Variants in FBF1 observed in about 807,000 individuals in gnomAD.
FBF1 encodes the protein fas-binding factor 1.
Under a neutral mutation model 147.2 loss-of-function variants are expected in FBF1, and 119 were observed. The observed-to-expected ratio is 0.81, with a 90% CI of 0.70 to 0.94. The LOEUF (loss-of-function observed/expected upper bound fraction) is 0.94. FBF1 is among the 40% of genes least tolerant of loss of function. The probability of loss-of-function intolerance (pLI) is 0.00; values close to 1 mark genes in which losing one functional copy is unlikely to be tolerated. For missense variants in FBF1, 1,449 were observed against 1,500.8 expected (o/e 0.97, Z 0.57); for synonymous variants, 601 against 609.0 (o/e 0.99, Z 0.19).
chr17:75,926,717 A>C, intron 10 of FBF1, 41 bp downstream of exon 10: 1 of 1,585,152 alleles, frequency 6.3e-7, no homozygotes, highest in Non-Finnish European at 8.6e-7. Flanking sequence ...TTGCCAATAA[A>C]CTCTTCCTCC....
chr17:75,940,209 A>C (rs2065653574), intron 1 of FBF1, among the ~76,000 whole-genome samples: 1 of 148,518 alleles, frequency 6.7e-6, no homozygotes, highest in Admixed American at 6.7e-5. Flanking sequence ...CCAAAGTGCT[A>C]GGATTACAGG....
At chr17:75,936,805 G>A (rs2065627963) in intron 3 of FBF1, among the ~76,000 whole-genome samples, 1 of 152,182 alleles carries the variant, frequency 6.6e-6, no homozygotes, top group African/African-American at 2.4e-5. Context: ...ACACAGCCCA[G>A]TGCAGCTCGC....
At chr17:75,912,395 C>CACTG in intron 28 of FBF1, 88 bp from the exon 29 acceptor site, 1 of 990,740 alleles carries the variant, frequency 1.0e-6, no homozygotes, top group Non-Finnish European at 1.5e-6. Context: ...CTGCTCCCCC[C>CACTG]GCCAGTGGGT....
At chr17:75,929,872 G>A in intron 7 of FBF1, 125 bp downstream of exon 7, 4 of 864,806 alleles carry the variant, frequency 4.6e-6, no homozygotes, top group Non-Finnish European at 7.4e-6. Flanking sequence ...GCTTGCACGA[G>A]GAAGGGCTCA....
At chr17:75,924,578 A>C (rs2144176022) in intron 13 of FBF1, among the ~76,000 whole-genome samples, 1 of 152,248 alleles carries the variant, frequency 6.6e-6, no homozygotes, top group East Asian at 1.9e-4. Context: ...CTAGGATTCA[A>C]GCTATTCTCC....
chr17:75,937,765 TC>T, intron 2 of FBF1, 172 bp from the exon 3 acceptor site: 1 of 746,530 alleles, frequency 1.3e-6, no homozygotes, highest in Non-Finnish European at 2.3e-6. Flanking sequence ...GAGAACGGAC[TC>T]ATTCAGAGCG....
intron 13 of FBF1, among the ~76,000 whole-genome samples, chr17:75,924,100 G>A (rs1474153112): frequency 2.0e-5 from 3 of 151,972 alleles, no homozygotes; most frequent in South Asian, 2.1e-4. Flanking sequence ...TGTAATCCCA[G>A]CTACTTGGGA....
At chr17:75,914,098 C>T in intron 26 of FBF1, 24 bp downstream of exon 26, 1 of 1,595,526 alleles carries the variant, frequency 6.3e-7, no homozygotes, top group Non-Finnish European at 8.5e-7. Flanking sequence ...CAGATGCGCC[C>T]ACGCCCATGT....
chr17:75,920,215 TCA>T (rs1296589628), intron 18 of FBF1, 57 bp downstream of exon 18: 7 of 1,593,528 alleles, frequency 4.4e-6, no homozygotes, highest in South Asian at 2.2e-5. Context: ...CCAGCCACTC[TCA>T]GTGTCCCCTC....
intron 4 of FBF1, among the ~76,000 whole-genome samples, chr17:75,934,365 A>G (rs2065611101): frequency 2.0e-5 from 3 of 152,188 alleles, no homozygotes; most frequent in African/African-American, 4.8e-5. Context: ...GTTCAAGATC[A>G]GCCTGGCCAA....
chr17:75,923,267 T>C lies in FBF1; in HGVS notation c.1343A>G (p.Gln448Arg), dbSNP rs1413456659. ...LSHALSRKKS[Q>R]GLAREQHAGT... The stretch of plus-strand genomic sequence containing the variant: ...AGCATGCTGCTCTCTGGCCAGGCCT[T>C]GGGACTTCTTCCGAGACAGGGCATG... The change falls in exon 14 of 30, where the codon CAA becomes CGA. Residue 448 changes from glutamine (Q) to arginine (R), a missense_variant. Physicochemically the swap from Gln to Arg is conservative, Grantham distance 43. Coordinates refer to ENST00000636174, the MANE Select transcript of FBF1 (RefSeq NM_001319193.2). The surrounding 1 kb of genome is among the most constrained non-coding windows in gnomAD (Gnocchi z 4.1). The C allele has an allele frequency of 1.9e-6, 3 of 1,590,308 alleles. No homozygotes were observed. Among genetic ancestry groups the C allele is most frequent in the Non-Finnish European group, 2.6e-6 (3 of 1,168,856 alleles).
chr17:75,910,642 A>G lies in FBF1; in HGVS notation c.*81T>C. ...AAGCATCTCAGAATCCTCCCCAGGC[A>G]CTGCCTCCATGGAGGCAGCCGGAGG... On this transcript the variant is annotated 3_prime_UTR_variant, in exon 30 of 30. Coordinates refer to ENST00000636174, the MANE Select transcript of FBF1 (RefSeq NM_001319193.2). This position sits in a 1 kb window ranked among gnomAD's most constrained non-coding sequence, Gnocchi z 4.1. 1.7e-6 allele frequency: 2 copies of G among 1,200,498 alleles called. No homozygotes were observed. The highest frequency in any genetic ancestry group is 2.4e-6 in the Non-Finnish European group (2 of 832,782). The allele number at this position is 1,200,498 out of a possible 1,614,324, so 74.4% of individuals were successfully genotyped here. A position where few individuals can be genotyped will look rare whatever the true frequency, so the allele number is the denominator to read the frequency against.
chr17:75,911,889 T>G (rs2065458615), intron 29 of FBF1, among the ~76,000 whole-genome samples: 1 of 152,198 alleles, frequency 6.6e-6, no homozygotes, highest in Non-Finnish European at 1.5e-5. Context: ...TGGGCTCAAG[T>G]GATCCTCCTG....
intron 7 of FBF1, among the ~76,000 whole-genome samples, chr17:75,929,029 C>T (rs1477825243): frequency 6.7e-6 from 1 of 150,274 alleles, no homozygotes; most frequent in Non-Finnish European, 1.5e-5. Context: ...ACTCTGTCAC[C>T]ACCCAGGCTG....
Position 75,926,891 on chromosome 17 carries a change from G to C in FBF1, c.476-14C>G. The C allele has an allele frequency of 6.2e-7, 1 of 1,604,648 alleles. No homozygotes were observed. The highest frequency in any genetic ancestry group is 8.5e-7 in the Non-Finnish European group (1 of 1,175,336). On this transcript the variant is annotated splice_polypyrimidine_tract_variant and intron_variant, in intron 9 of 29. Coordinates refer to ENST00000636174, the MANE Select transcript of FBF1 (RefSeq NM_001319193.2). ...GGTCTTCCAAGTCTCACAGCAGAAG[G>C]GAAAGCACAGGTCAGACTGCAGCAC...
chr17:75,920,104 G>C lies in FBF1; in HGVS notation c.1834C>G (p.Arg612Gly), dbSNP rs765962914. 5.1e-6 allele frequency: 8 copies of C among 1,583,308 alleles called. No individual in the cohort carries two copies. The South Asian group carries it at 8.0e-5, about 16-fold the overall frequency. ...TGGGCCCGTTCTAGCTCCAGCTTCC[G>C]CACCTGGGAGACAGCAGGAGGGCCA... is the stretch of plus-strand genomic sequence containing the variant. ...ARLAELEAQV[R>G]KLELERAQHE... is the part of the protein sequence containing the mutation. Residue 612 changes from arginine (R) to glycine (G), a missense_variant, in exon 19 of 30, where the codon CGG becomes GGG. Coordinates refer to ENST00000636174, the MANE Select transcript of FBF1 (RefSeq NM_001319193.2).
rs2065476163 is a variant in FBF1 at position 75,914,565 on chromosome 17, A to AT, written c.2814+181dup. On this transcript the variant is annotated intron_variant, in intron 25 of 29. Coordinates refer to ENST00000636174, the MANE Select transcript of FBF1 (RefSeq NM_001319193.2). ...AACATGAGGATCAAATAAAATGTGT[A>AT]TAATGCACCTGGGACAATACGAGGA... 1.7e-5 allele frequency: 14 copies of AT among 819,084 alleles called. No individual in the cohort carries two copies. In the South Asian group the frequency reaches 2.0e-4, roughly 12 times the overall value. 50.7% of individuals were successfully genotyped at this position (819,084 alleles called of 1,614,324 possible). A position where few individuals can be genotyped will look rare whatever the true frequency, so the allele number is the denominator to read the frequency against.
Position 75,931,396 on chromosome 17 carries a change from C to T in FBF1, c.168-107G>A, listed in dbSNP as rs116148532. 1,452 of 957,358 alleles carry T rather than the reference C, an allele frequency of 1.5e-3. 15 individuals carry two copies. In the African/African-American group the frequency reaches 0.02, roughly 13 times the overall value. The allele number at this position is 957,358 out of a possible 1,614,324, so 59.3% of individuals were successfully genotyped here. Reference sequence around the variant, plus strand: ...CCAAGGAATCTCGGATAGGTCTCTCCGGAGAACAGAGGTGCTAAAAGGAAT... The same window carrying T: ...CCAAGGAATCTCGGATAGGTCTCTCTGGAGAACAGAGGTGCTAAAAGGAAT... On this transcript the variant is annotated intron_variant, in intron 5 of 29. Coordinates refer to ENST00000636174, the MANE Select transcript of FBF1 (RefSeq NM_001319193.2).
At position 75,914,070 on chromosome 17, in the gene FBF1, G is replaced by A; in HGVS notation, c.2992-20C>T. 6.3e-7 allele frequency: 1 copy of A among 1,592,934 alleles called. No individual in the cohort carries two copies. The highest frequency in any genetic ancestry group is 8.5e-7 in the Non-Finnish European group (1 of 1,175,782). ...GGCCACCTGCAGGGAGGCCGCCTGGGTCAGGGCTGCCTGGGCTCAGATGCG... is the reference window on the plus strand; with the variant it reads ...GGCCACCTGCAGGGAGGCCGCCTGGATCAGGGCTGCCTGGGCTCAGATGCG... On this transcript the variant is annotated intron_variant, in intron 26 of 29. Coordinates refer to ENST00000636174, the MANE Select transcript of FBF1 (RefSeq NM_001319193.2).
Sources: allele counts gnomAD v4.1 joint callset (sites outside exome capture counted in the v4.1 genomes callset), GRCh38; gene constraint gnomAD v4.1.1; non-coding constraint Gnocchi (gnomAD v3.1); transcripts MANE v1.5; gene names NCBI Gene and HGNC (gene_info 2026-07-23, HGNC 2026-07-21).